The following CASP4 variants were observed in gnomAD, a reference collection of about 807,000 sequenced individuals.
CASP4 encodes the protein caspase 4.
Under a neutral mutation model 41.3 loss-of-function variants are expected in CASP4, and 29 were observed. The ratio of observed to expected loss-of-function variants is 0.70; its 90% CI spans 0.52 to 0.96. CASP4 has a LOEUF of 0.96. Among genes scored for constraint, CASP4 ranks in the 40% least tolerant of loss-of-function variants. The pLI is 0.00. For missense variants in CASP4, 447 were observed against 460.6 expected, an observed-to-expected ratio of 0.97 and a Z score of 0.27; for synonymous variants, 185 against 158.4, an observed-to-expected ratio of 1.17 and a Z score of -1.26.
chr11:104,947,165 A>C lies in CASP4; in HGVS notation c.953T>G (p.Met318Arg), dbSNP rs372129545. ...PHNVSWRDST[M>R]GSIFITQLIT... The stretch of plus-strand genomic sequence containing the variant: ...GAGTTGTGTGATGAAGATAGAGCCC[A>C]TTGTGCTGTCTCTCCAGGACACGTT... Residue 318 changes from methionine (M) to arginine (R), a missense_variant, in exon 7 of 9, where the codon ATG (methionine) becomes AGG (arginine). Met to Arg is a moderately conservative substitution (Grantham distance 91). Transcript: ENST00000444739. 5.0e-6 allele frequency: 8 copies of C among 1,612,062 alleles called. No individual in the cohort carries two copies. The highest frequency in any genetic ancestry group is 5.9e-6 in the Non-Finnish European group (7 of 1,178,450).
intron 5 of CASP4, chr11:104,949,160 C>T: frequency 3.5e-6 from 1 of 288,444 alleles, no homozygotes; most frequent in Non-Finnish European, 6.6e-6. Flanking sequence ...AAAAGGGATG[C>T]TGTTTTACAT....
chr11:104,951,799 C>T (rs777781486), intron 3 of CASP4, 97 bp downstream of exon 3: 2 of 805,604 alleles, frequency 2.5e-6, no homozygotes, highest in South Asian at 1.4e-5. Flanking sequence ...TACTGTCATC[C>T]CCACCCCCAA....
chr11:104,950,838 A>G, intron 4 of CASP4, 87 bp downstream of exon 4: 2 of 1,170,712 alleles, frequency 1.7e-6, no homozygotes, highest in African/African-American at 1.5e-5. Context: ...AGGTTGTTAA[A>G]CCTTGTTGAG....
intron 1 of CASP4, among the ~76,000 whole-genome samples, chr11:104,967,048 G>A (rs952600879): frequency 3.9e-5 from 6 of 152,112 alleles, no homozygotes; most frequent in Admixed American, 1.3e-4. Context: ...AATAAAAATG[G>A]CAGGAATCAA....
intron 2 of CASP4, among the ~76,000 whole-genome samples, chr11:104,953,565 T>A (rs139888028): frequency 6.6e-6 from 1 of 152,270 alleles, no homozygotes; most frequent in African/African-American, 2.4e-5. Flanking sequence ...CTTCTTATAA[T>A]CTTGGACAAC....
intron 2 of CASP4, among the ~76,000 whole-genome samples, chr11:104,954,249 A>G (rs985513957): frequency 1.3e-5 from 2 of 152,162 alleles, no homozygotes; most frequent in Non-Finnish European, 2.9e-5. Context: ...ATGTTGCTAG[A>G]GCTAAATGAT....
In CASP4 at chr11:104,949,568, G is replaced by C; in HGVS notation, c.756C>G (p.Val252=). 1 of 1,613,866 alleles carries C rather than the reference G, an allele frequency of 6.2e-7. No homozygotes were observed. Residue 252 remains valine (V), a synonymous_variant, in exon 5 of 9, where the codon GTC becomes GTG. Coordinates refer to ENST00000444739, the MANE Select transcript of CASP4 (RefSeq NM_001225.4). ...CACCTCTGCAGGCCTGGACAATGATGACCTTGGGTTTGTCCTTCAGACTGA... is the reference window on the plus strand; with the variant it reads ...CACCTCTGCAGGCCTGGACAATGATCACCTTGGGTTTGTCCTTCAGACTGA... The part of the protein sequence containing the change: ...NCLSLKDKPK[V]IIVQACRGAN...
Position 104,954,982 on chromosome 11 carries a change from C to CT in CASP4, c.26dup (p.Pro10AlafsTer3), listed in dbSNP as rs775968861. 2 of 1,612,986 alleles carry CT rather than the reference C, an allele frequency of 1.2e-6. No individual in the cohort carries two copies. Among genetic ancestry groups the CT allele is most frequent in the African/African-American group, 1.3e-5 (1 of 74,888 alleles). On this transcript the variant is annotated frameshift_variant, in exon 2 of 9. Transcript: ENST00000444739. LOFTEE classifies it high-confidence loss of function. ...CCAGGGATTCCAACACCTTAAGTGG[C>CT]TTTTTTCTGTGGTTGCCTTCTGTTA...
rs150869769 is a variant in CASP4 at position 104,945,252 on chromosome 11, C to CT, written c.1036-402dup. ...AATTTAATCCCAGTATCTTATCTTT[C>CT]TTTTTTTTTTTTTTTTTTAAGATGG... is the stretch of plus-strand genomic sequence containing the variant. On this transcript the variant is annotated intron_variant, in intron 7 of 8. Transcript: ENST00000444739. Among the ~76,000 whole-genome samples the CT allele has an allele frequency of 3.4e-3, 481 of 142,460 alleles. 4 individuals are homozygous for CT. The highest frequency in any genetic ancestry group is 0.011 in the African/African-American group (440 of 38,298). The allele number at this position is 142,460 out of a possible 152,430, so 93.5% of individuals were successfully genotyped here. A position where few individuals can be genotyped will look rare whatever the true frequency, so the allele number is the denominator to read the frequency against.
At chr11:104,968,419 G>T in intron 1 of CASP4, 100 bp downstream of exon 1, 1 of 1,044,580 alleles carries the variant, frequency 9.6e-7, no homozygotes, top group Non-Finnish European at 1.5e-6. Flanking sequence ...TTCAACATGT[G>T]TGCTATCGGC....
chr11:104,949,768 A>C lies in CASP4; in HGVS notation c.556T>G (p.Ser186Ala). 1.2e-6 allele frequency: 2 copies of C among 1,613,572 alleles called. No individual in the cohort carries two copies. Among genetic ancestry groups the C allele is most frequent in the Non-Finnish European group, 1.7e-6 (2 of 1,179,778 alleles). Reference sequence around the variant, plus strand: ...CTGGTAGCAAATGCCCTCAGCGCTGACTCCATATCCTGTAAAAGAGCAATG... The same window carrying C: ...CTGGTAGCAAATGCCCTCAGCGCTGCCTCCATATCCTGTAAAAGAGCAATG... ...EENLTARDME[S>A]ALRAFATRPE... The change falls in exon 5 of 9, where the codon TCA becomes GCA. Residue 186 changes from serine (S) to alanine (A), a missense_variant. By Grantham distance (99) the Ser-to-Ala change is moderately conservative (BLOSUM62 1). Transcript: ENST00000444739.
At chr11:104,964,330 A>G (rs540991116) in intron 1 of CASP4, among the ~76,000 whole-genome samples, 12 of 152,306 alleles carry the variant, frequency 7.9e-5, no homozygotes, top group Middle Eastern at 3.4e-3. Context: ...AATGTCACCA[A>G]TCCTTCAGTT....
At chr11:104,966,126 G>A (rs890830339) in intron 1 of CASP4, among the ~76,000 whole-genome samples, 5 of 152,200 alleles carry the variant, frequency 3.3e-5, no homozygotes, top group African/African-American at 7.2e-5. Flanking sequence ...CCGGATCTGC[G>A]TGAATTACTC....
intron 1 of CASP4, among the ~76,000 whole-genome samples, chr11:104,963,549 A>G (rs1028731067): frequency 2.1e-4 from 32 of 152,220 alleles, no homozygotes; most frequent in Admixed American, 6.5e-5. Flanking sequence ...TTTGGTATGT[A>G]ATAACTAGGT....
At chr11:104,946,753 C>T (rs1052807384) in intron 7 of CASP4, 9 of 176,366 alleles carry the variant, frequency 5.1e-5, no homozygotes, top group Admixed American at 1.8e-4. Context: ...AGGAGGAAAT[C>T]CATGACCTAG....
intron 2 of CASP4, among the ~76,000 whole-genome samples, chr11:104,952,360 G>C (rs529170843): frequency 1.3e-5 from 2 of 152,208 alleles, no homozygotes; most frequent in South Asian, 4.1e-4. Flanking sequence ...CTGTGCAAGA[G>C]TATACTGAGT....
At chr11:104,944,102 C>T (rs1860390706) in intron 8 of CASP4, 1 of 152,128 alleles carries the variant, frequency 6.6e-6, no homozygotes, top group African/African-American at 2.4e-5. Flanking sequence ...GATTCAAAAG[C>T]CAACCCTGAG....
intron 3 of CASP4, 145 bp downstream of exon 3, chr11:104,951,751 A>G (rs1477475532): frequency 1.4e-6 from 1 of 692,952 alleles, no homozygotes; most frequent in Non-Finnish European, 2.6e-6. Context: ...GTGAAGTCAC[A>G]TAATCTTTCC....
At chr11:104,949,255 A>G in intron 5 of CASP4, 1 of 441,134 alleles carries the variant, frequency 2.3e-6, no homozygotes. Flanking sequence ...AGCTATCATG[A>G]AAATGATTCC....
Sources: gnomAD v4.1 joint callset for allele counts (sites outside exome capture counted in the v4.1 genomes callset) on GRCh38, gnomAD v4.1.1 for gene constraint, MANE v1.5 for transcripts, NCBI Gene and HGNC (gene_info 2026-07-23, HGNC 2026-07-21) for gene names.